The following NCOA3 variants were observed in gnomAD, a reference collection of about 807,000 sequenced individuals.
The protein encoded by NCOA3 is nuclear receptor coactivator 3, also known as CBP-interacting protein.
A neutral mutation model predicts 158.8 loss-of-function variants in NCOA3; 51 were observed. That is an observed-to-expected ratio of 0.32 (90% confidence interval 0.26 to 0.41). NCOA3 has a LOEUF of 0.41. NCOA3 is among the 10% of genes least tolerant of loss of function. The pLI, the probability that NCOA3 is intolerant of heterozygous loss-of-function variation, is 1.00. For synonymous variants in NCOA3, 537 were observed against 592.4 expected, an observed-to-expected ratio of 0.91 and a Z score of 1.36; for missense variants, 1,510 against 1,746.6, an observed-to-expected ratio of 0.86 and a Z score of 2.41.
chr20:47,515,127 C>G (rs1407479261), intron 1 of NCOA3, among the ~76,000 whole-genome samples: 2 of 151,712 alleles, frequency 1.3e-5, no homozygotes, highest in African/African-American at 4.8e-5. Context: ...GACAGACACA[C>G]AAATAGTAAC....
Position 47,653,506 on chromosome 20 carries a change from C to A in NCOA3, c.*89C>A. The A allele has an allele frequency of 1.4e-6, 2 of 1,463,810 alleles. No individual in the cohort carries two copies. The highest frequency in any genetic ancestry group is 9.4e-7 in the Non-Finnish European group (1 of 1,059,192). The allele number at this position is 1,463,810 out of a possible 1,614,324, so 90.7% of individuals were successfully genotyped here. On this transcript the variant is annotated 3_prime_UTR_variant, in exon 23 of 23. Coordinates refer to ENST00000371998, the MANE Select transcript of NCOA3 (RefSeq NM_181659.3). ...GGAAGGAATCATTGTTCCAGGCATCCATCTTGGAAGAAAGGACCAGCTTTG... is the reference window on the plus strand; with the variant it reads ...GGAAGGAATCATTGTTCCAGGCATCAATCTTGGAAGAAAGGACCAGCTTTG...
chr20:47,654,620 C>G lies in NCOA3; in HGVS notation c.*1203C>G, dbSNP rs1237850680. 6.6e-6 allele frequency: 1 copy of G among 152,502 alleles called. No homozygotes were observed. The highest frequency in any genetic ancestry group is 1.5e-5 in the Non-Finnish European group (1 of 68,020). The allele number at this position is 152,502 out of a possible 1,614,324, so 9.4% of individuals were successfully genotyped here. On this transcript the variant is annotated 3_prime_UTR_variant, in exon 23 of 23. Coordinates refer to ENST00000371998, the MANE Select transcript of NCOA3 (RefSeq NM_181659.3). ...ACCCCCCAGCCTTAGATGCCTCGCT[C>G]TTTTCAATCTCTTAATCTAAATGCT...
At chr20:47,649,785 G>A (rs147346785) in intron 19 of NCOA3, among the ~76,000 whole-genome samples, 91 of 152,182 alleles carry the variant, frequency 6.0e-4, no homozygotes, top group African/African-American at 2.1e-3. Context: ...AACATCTTGT[G>A]GAAGCTGAGC....
chr20:47,593,148 G>A (rs569320206), intron 2 of NCOA3, among the ~76,000 whole-genome samples: 1 of 152,102 alleles, frequency 6.6e-6, no homozygotes, highest in East Asian at 1.9e-4. Flanking sequence ...GGCCAGGCTG[G>A]TCTTGACCTC....
At chr20:47,546,121 A>G (rs1217948591) in intron 1 of NCOA3, among the ~76,000 whole-genome samples, 5 of 152,186 alleles carry the variant, frequency 3.3e-5, no homozygotes, top group Non-Finnish European at 5.9e-5. Flanking sequence ...CTGAAACTCA[A>G]CATGTCCCAA....
intron 1 of NCOA3, among the ~76,000 whole-genome samples, chr20:47,569,556 G>C (rs56408907): frequency 0.15 from 22,262 of 151,726 alleles, 2,469 homozygotes; most frequent in African/African-American, 0.3. Flanking sequence ...TGGTGGAGGC[G>C]CCTGTAATCC....
At chr20:47,606,989 TAATGA>T (rs1270793466) in intron 2 of NCOA3, among the ~76,000 whole-genome samples, 1 of 152,202 alleles carries the variant, frequency 6.6e-6, no homozygotes, top group Non-Finnish European at 1.5e-5. Context: ...AAAAATTGTG[TAATGA>T]AATGTACCAG....
intron 2 of NCOA3, among the ~76,000 whole-genome samples, chr20:47,602,614 T>C (rs755251549): frequency 3.3e-5 from 5 of 152,230 alleles, no homozygotes; most frequent in Non-Finnish European, 7.3e-5. Flanking sequence ...AGAAGATAAA[T>C]TGGCCATGCA....
chr20:47,514,023 G>A (rs1367012407), intron 1 of NCOA3, among the ~76,000 whole-genome samples: 1 of 152,122 alleles, frequency 6.6e-6, no homozygotes, highest in African/African-American at 2.4e-5. Flanking sequence ...GGCAGGGAAG[G>A]AGGCAGCTAA....
At chr20:47,540,045 C>T (rs1423998884) in intron 1 of NCOA3, among the ~76,000 whole-genome samples, 1 of 152,108 alleles carries the variant, frequency 6.6e-6, no homozygotes, top group Non-Finnish European at 1.5e-5. Flanking sequence ...AATTGAAGCT[C>T]ATGGGTTAAT....
intron 13 of NCOA3, among the ~76,000 whole-genome samples, chr20:47,638,632 T>C (rs534562538): frequency 3.9e-5 from 6 of 152,312 alleles, no homozygotes; most frequent in Non-Finnish European, 7.4e-5. Context: ...TTGTTAAAAT[T>C]ATAAACAGTA....
At position 47,558,232 on chromosome 20, in the gene NCOA3, A is replaced by ATTTTTTTTTTTT. The variant is rs71183263; in HGVS notation, c.-98-24933_-98-24922dup. ...CACCTCCACGCCCAGCTAATTTTGT[A>ATTTTTTTTTTTT]TTTTTTTTTTTTTTTTTTTTTTTTT... On this transcript the variant is annotated intron_variant, in intron 1 of 22. Transcript: ENST00000371998. Among the ~76,000 whole-genome samples the ATTTTTTTTTTTT allele has an allele frequency of 1.8e-4, 10 of 55,528 alleles. 1 individual carries two copies. Among genetic ancestry groups the ATTTTTTTTTTTT allele is most frequent in the African/African-American group, 5.8e-4 (9 of 15,484 alleles). The allele number at this position is 55,528 out of a possible 152,430, so 36.4% of individuals were successfully genotyped here. A position where few individuals can be genotyped will look rare whatever the true frequency, so the allele number is the denominator to read the frequency against.
At chr20:47,575,820 G>A (rs1241497979) in intron 1 of NCOA3, among the ~76,000 whole-genome samples, 1 of 152,164 alleles carries the variant, frequency 6.6e-6, no homozygotes, top group Admixed American at 6.5e-5. Flanking sequence ...GTTCATTTAG[G>A]ATTTGACTAA....
At chr20:47,529,137 CTT>C (rs962146166) in intron 1 of NCOA3, among the ~76,000 whole-genome samples, 10 of 141,354 alleles carry the variant, frequency 7.1e-5, no homozygotes, top group Non-Finnish European at 9.3e-5. Context: ...AATTTTTTTT[CTT>C]TTTTTTTTTT....
At position 47,601,519 on chromosome 20, in the gene NCOA3, G is replaced by T. The variant is rs374859728; in HGVS notation, c.-20+18258G>T. On this transcript the variant is annotated intron_variant, in intron 2 of 22. Transcript: ENST00000371998. ...AATTTTGTAACTTAATTAAGAAATAGAATTAGCCTAAATATCAGCTCAATA... is the reference window on the plus strand; with the variant it reads ...AATTTTGTAACTTAATTAAGAAATATAATTAGCCTAAATATCAGCTCAATA... Among the ~76,000 whole-genome samples the T allele has an allele frequency of 2.6e-5, 4 of 152,246 alleles. 1 individual carries two copies. Among genetic ancestry groups the T allele is most frequent in the African/African-American group, 9.6e-5 (4 of 41,544 alleles).
At chr20:47,582,667 C>T (rs1018868816) in intron 1 of NCOA3, among the ~76,000 whole-genome samples, 1 of 152,062 alleles carries the variant, frequency 6.6e-6, no homozygotes, top group African/African-American at 2.4e-5. Flanking sequence ...GCGCCTGGCC[C>T]TATGCTTGAC....
intron 1 of NCOA3, among the ~76,000 whole-genome samples, chr20:47,571,670 T>C (rs2085297381): frequency 6.6e-6 from 1 of 152,206 alleles, no homozygotes; most frequent in Admixed American, 6.5e-5. Flanking sequence ...TCAGGCTTTA[T>C]TGTTCCATTT....
intron 2 of NCOA3, among the ~76,000 whole-genome samples, chr20:47,605,969 C>A (rs2085940791): frequency 6.6e-6 from 1 of 152,142 alleles, no homozygotes; most frequent in Non-Finnish European, 1.5e-5. Flanking sequence ...TATTTACTTA[C>A]TTATCTGCTT....
rs754458111 is a variant in NCOA3, at chr20:47,633,633, G to C, written c.961G>C (p.Glu321Gln). 6.2e-7 allele frequency: 1 copy of C among 1,609,180 alleles called. No homozygotes were observed. Among genetic ancestry groups the C allele is most frequent in the East Asian group, 2.2e-5 (1 of 44,860 alleles). ...QSWSQKRHYQ[E>Q]AYLNGHAETP... ...ATGGTCCCAGAAACGTCACTATCAA[G>C]AAGGTAAAGAATTTTGGGGTTGATT... Residue 321 changes from glutamate to glutamine, a missense_variant, in exon 9 of 23, where the codon GAA becomes CAA. Physicochemically the swap from Glu to Gln is conservative, Grantham distance 29. This residue lies in a region of NCOA3 where 309 missense variants were observed against 427.1 expected (regional missense o/e 0.72). Coordinates refer to ENST00000371998, the MANE Select transcript of NCOA3 (RefSeq NM_181659.3).
Sources: gnomAD v4.1 joint callset for allele counts (sites outside exome capture counted in the v4.1 genomes callset) on GRCh38, gnomAD v4.1.1 for gene constraint, gnomAD v4.1.1 regional missense constraint, MANE v1.5 for transcripts, NCBI Gene and HGNC (gene_info 2026-07-23, HGNC 2026-07-21) for gene names.